The following STXBP5L variants were observed in gnomAD, a reference collection of about 807,000 sequenced individuals.
STXBP5L encodes syntaxin-binding protein 5-like.
STXBP5L carries 65 observed loss-of-function variants against 144.5 expected under a neutral mutation model. The ratio of observed to expected loss-of-function variants is 0.45; its 90% CI spans 0.37 to 0.55. STXBP5L has a LOEUF of 0.55. Among genes scored for constraint, STXBP5L ranks in the 20% least tolerant of loss-of-function variants. The pLI, the probability that STXBP5L is intolerant of heterozygous loss-of-function variation, is 0.00. For synonymous variants in STXBP5L, 505 were observed against 469.6 expected, an observed-to-expected ratio of 1.08 and a Z score of -0.97; for missense variants, 1,298 against 1,405.5, an observed-to-expected ratio of 0.92 and a Z score of 1.22.
intron 9 of STXBP5L, among the ~76,000 whole-genome samples, chr3:121,187,669 A>T (rs1261884277): frequency 6.6e-6 from 1 of 152,132 alleles, no homozygotes; most frequent in Non-Finnish European, 1.5e-5. Context: ...TCATAAAGAC[A>T]TGATCAAATT....
At chr3:121,145,005 G>T (rs1311879817) in intron 7 of STXBP5L, among the ~76,000 whole-genome samples, 1 of 151,810 alleles carries the variant, frequency 6.6e-6, no homozygotes, top group Non-Finnish European at 1.5e-5. Context: ...GCTGGGGGAG[G>T]TTGAAATGCA....
rs775940469 is a variant in STXBP5L at position 121,257,279 on chromosome 3, G to A, written c.1778G>A (p.Ser593Asn). 2 of 1,613,616 alleles carry A rather than the reference G, an allele frequency of 1.2e-6. No homozygotes were observed. Among genetic ancestry groups the A allele is most frequent in the South Asian group, 2.2e-5 (2 of 91,026 alleles). Residue 593 changes from serine (S) to asparagine (N), a missense_variant, in exon 17 of 27, where the codon AGC (serine) becomes AAC (asparagine). Coordinates refer to ENST00000471454, the MANE Select transcript of STXBP5L (RefSeq NM_001308330.2). ...CCTTCTTCAAGGAGTCTTTCTGGGA[G>A]CACTAACACTGTTGCTAGTGAAGGA... Reference protein sequence around the residue: ...QLPSSRSLSGSTNTVASEGVT... With the variant: ...QLPSSRSLSGNTNTVASEGVT...
intron 2 of STXBP5L, among the ~76,000 whole-genome samples, chr3:120,912,755 C>T (rs1308406887): frequency 6.6e-6 from 1 of 151,914 alleles, no homozygotes; most frequent in East Asian, 1.9e-4. Context: ...CTGTGAAATA[C>T]AATTTGAAAC....
At chr3:121,332,889 T>C (rs1020551691) in intron 20 of STXBP5L, among the ~76,000 whole-genome samples, 3 of 151,862 alleles carry the variant, frequency 2.0e-5, no homozygotes, top group African/African-American at 7.3e-5. Context: ...AGGTAACCTA[T>C]ACAGGAAAAC....
chr3:121,202,800 C>A lies in STXBP5L; in HGVS notation c.878-3123C>A, dbSNP rs1485342668. Among the ~76,000 whole-genome samples the A allele has an allele frequency of 2.0e-5, 3 of 151,964 alleles. No individual in the cohort carries two copies. The East Asian group carries it at 5.8e-4, about 29-fold the overall frequency. ...TCTTAATAGGGTTCTTTTGTACACACTGCTTTCAAGGTGTTTTATTTTTTT... is the reference window on the plus strand; with the variant it reads ...TCTTAATAGGGTTCTTTTGTACACAATGCTTTCAAGGTGTTTTATTTTTTT... On this transcript the variant is annotated intron_variant, in intron 9 of 26. Transcript: ENST00000471454.
chr3:121,178,787 C>T (rs1013797476), intron 9 of STXBP5L, among the ~76,000 whole-genome samples: 1 of 152,058 alleles, frequency 6.6e-6, no homozygotes, highest in Non-Finnish European at 1.5e-5. Flanking sequence ...CAGCTCAAGC[C>T]CAGGGAAGCC....
intron 3 of STXBP5L, among the ~76,000 whole-genome samples, chr3:121,023,510 G>A (rs541793707): frequency 1.3e-5 from 2 of 152,286 alleles, no homozygotes; most frequent in African/African-American, 4.8e-5. Flanking sequence ...CAAGGCTATG[G>A]TTACCAAAAC....
intron 9 of STXBP5L, among the ~76,000 whole-genome samples, chr3:121,178,260 A>G (rs1378903530): frequency 6.6e-6 from 1 of 152,218 alleles, no homozygotes; most frequent in African/African-American, 2.4e-5. Context: ...ACACTGAAAA[A>G]TAGTTGATTT....
intron 3 of STXBP5L, among the ~76,000 whole-genome samples, chr3:121,020,503 T>C (rs1298704089): frequency 6.6e-6 from 1 of 152,202 alleles, no homozygotes; most frequent in Admixed American, 6.5e-5. Flanking sequence ...TCTTAAGAGC[T>C]GTGAGGCAAA....
At chr3:121,185,130 ACT>A (rs2047322554) in intron 9 of STXBP5L, among the ~76,000 whole-genome samples, 1 of 152,046 alleles carries the variant, frequency 6.6e-6, no homozygotes, top group Non-Finnish European at 1.5e-5. Context: ...GACCATCGAC[ACT>A]CTGAAGAAAC....
chr3:120,957,618 G>C (rs533546494), intron 3 of STXBP5L, among the ~76,000 whole-genome samples: 4 of 151,600 alleles, frequency 2.6e-5, no homozygotes, highest in Non-Finnish European at 4.4e-5. Flanking sequence ...AGTAGAAGTA[G>C]TATTAGTTCT....
chr3:121,369,958 G>A (rs529412441), intron 20 of STXBP5L, among the ~76,000 whole-genome samples: 15 of 152,210 alleles, frequency 9.9e-5, no homozygotes, highest in East Asian at 1.9e-4. Flanking sequence ...ATCTCATGTC[G>A]AATTGTAATT....
chr3:121,157,444 G>C, intron 8 of STXBP5L, 60 bp from the exon 9 acceptor site: 12 of 1,456,812 alleles, frequency 8.2e-6, no homozygotes, highest in Non-Finnish European at 1.1e-5. Flanking sequence ...TTGGAATATA[G>C]AATGATATAA....
chr3:121,031,619 A>C (rs753850183), intron 3 of STXBP5L, among the ~76,000 whole-genome samples: 1 of 152,108 alleles, frequency 6.6e-6, no homozygotes, highest in Non-Finnish European at 1.5e-5. Flanking sequence ...CCATATTATG[A>C]AGGGTAACCT....
chr3:121,385,309 G>C (rs1213834419), intron 22 of STXBP5L, among the ~76,000 whole-genome samples: 1 of 152,098 alleles, frequency 6.6e-6, no homozygotes, highest in African/African-American at 2.4e-5. Flanking sequence ...GAGGGAACAG[G>C]CACATTACAT....
chr3:121,127,843 T>G (rs1481130143), intron 7 of STXBP5L, among the ~76,000 whole-genome samples: 1 of 151,916 alleles, frequency 6.6e-6, no homozygotes, highest in African/African-American at 2.4e-5. Context: ...CAGAAGTACC[T>G]CTTTCACCAT....
rs776569832 is a variant in STXBP5L, at chr3:121,010,694, C to G, written c.288-31006C>G. ...AATAACATAAACAGTCAATTAATAC[C>G]TATCTCATACATTAAATGTGTTGTA... On this transcript the variant is annotated intron_variant, in intron 3 of 26. Transcript: ENST00000471454. Among the ~76,000 whole-genome samples, 24 of 151,968 alleles carry G rather than the reference C, an allele frequency of 1.6e-4. No individual in the cohort carries two copies. In the Middle Eastern group the frequency reaches 0.02, roughly 129 times the overall value.
chr3:121,159,991 G>C (rs2046262358), intron 9 of STXBP5L, among the ~76,000 whole-genome samples: 1 of 152,124 alleles, frequency 6.6e-6, no homozygotes, highest in Admixed American at 6.6e-5. Context: ...ATTTTGTATG[G>C]TTTAAATTGT....
chr3:121,040,375 G>T (rs1170948423), intron 3 of STXBP5L, among the ~76,000 whole-genome samples: 3 of 152,022 alleles, frequency 2.0e-5, no homozygotes, highest in Non-Finnish European at 4.4e-5. Flanking sequence ...TGAGTACTTT[G>T]TATGTGAATT....
Sources: gnomAD v4.1 joint callset for allele counts (sites outside exome capture counted in the v4.1 genomes callset) on GRCh38, gnomAD v4.1.1 for gene constraint, MANE v1.5 for transcripts, NCBI Gene and HGNC (gene_info 2026-07-23, HGNC 2026-07-21) for gene names.